Variants in NSMCE1 observed in about 807,000 individuals in gnomAD.
The protein encoded by NSMCE1 is non-structural maintenance of chromosomes element 1 homolog.
In NSMCE1, 18 loss-of-function variants were observed where a neutral mutation model predicts 29.6. That is an observed-to-expected ratio of 0.61 (90% CI 0.42 to 0.90). The LOEUF (loss-of-function observed/expected upper bound fraction) is 0.90. Ranked by LOEUF, NSMCE1 falls within the 40% of genes least tolerant of loss-of-function variation. The pLI is 0.00. For missense variants in NSMCE1, 314 were observed against 343.6 expected (o/e 0.91, Z 0.68); for synonymous variants, 124 against 133.4 (o/e 0.93, Z 0.49).
intron 2 of NSMCE1, among the ~76,000 whole-genome samples, chr16:27,243,116 G>A (rs367860950): frequency 2.0e-5 from 3 of 152,354 alleles, no homozygotes; most frequent in East Asian, 3.9e-4. Flanking sequence ...TGCTCCAGCC[G>A]AGTGCCCGAG....
chr16:27,225,723 C>T lies in NSMCE1; in HGVS notation c.721+3G>A. ...TCCCATGAGCTCCTCAGGGCCCACG[C>T]ACTTGGGATCTCGTGGGGCCAGTAG... On this transcript the variant is annotated splice_donor_region_variant and intron_variant, in intron 7 of 7. Transcript: ENST00000361439. 6.2e-7 allele frequency: 1 copy of T among 1,614,090 alleles called. No individual in the cohort carries two copies. The highest frequency in any genetic ancestry group is 2.2e-5 in the East Asian group (1 of 44,882).
At chr16:27,226,129 G>C in intron 6 of NSMCE1, 1 of 317,014 alleles carries the variant, frequency 3.2e-6, no homozygotes, top group Non-Finnish European at 5.9e-6. Flanking sequence ...GGTGGCGTGT[G>C]GACAGCCACA....
intron 2 of NSMCE1, among the ~76,000 whole-genome samples, chr16:27,240,034 T>A (rs1357279548): frequency 6.6e-6 from 1 of 152,184 alleles, no homozygotes; most frequent in Non-Finnish European, 1.5e-5. Flanking sequence ...ACTAGTATCA[T>A]CTGTATATAC....
chr16:27,257,652 T>C, intron 1 of NSMCE1, 71 bp from the exon 2 acceptor site: 2 of 1,232,750 alleles, frequency 1.6e-6, no homozygotes. Flanking sequence ...CTTGTACTAA[T>C]TTACATTAAC....
chr16:27,261,173 A>AG (rs938963616), intron 1 of NSMCE1, among the ~76,000 whole-genome samples: 3 of 150,578 alleles, frequency 2.0e-5, no homozygotes, highest in African/African-American at 7.3e-5. Flanking sequence ...TCTCAAAAAA[A>AG]AAAAAAAAAA....
intron 5 of NSMCE1, among the ~76,000 whole-genome samples, 166 bp from the exon 6 acceptor site, chr16:27,227,002 G>A (rs1346747548): frequency 6.6e-6 from 1 of 152,232 alleles, no homozygotes; most frequent in Non-Finnish European, 1.5e-5. Context: ...CCCTGGCAGA[G>A]CCTCGGCAAG....
chr16:27,238,195 G>A (rs890463843), intron 2 of NSMCE1, among the ~76,000 whole-genome samples: 7 of 152,160 alleles, frequency 4.6e-5, no homozygotes, highest in Non-Finnish European at 8.8e-5. Context: ...CTGCCCTCCC[G>A]CTCTGTGGGG....
At chr16:27,252,734 C>T (rs554872703) in intron 2 of NSMCE1, among the ~76,000 whole-genome samples, 1 of 152,194 alleles carries the variant, frequency 6.6e-6, no homozygotes, top group East Asian at 1.9e-4. Context: ...GCCTGGCCAA[C>T]ATGGTGAAAC....
intron 4 of NSMCE1, chr16:27,233,969 C>G: frequency 1.8e-6 from 1 of 542,356 alleles, no homozygotes; most frequent in Non-Finnish European, 3.3e-6. Flanking sequence ...ACACCTGGCC[C>G]AGCACTTCCT....
At chr16:27,240,339 TCA>T (rs2083879579) in intron 2 of NSMCE1, among the ~76,000 whole-genome samples, 1 of 152,122 alleles carries the variant, frequency 6.6e-6, no homozygotes, top group Non-Finnish European at 1.5e-5. Context: ...GGAGCTGCAC[TCA>T]CAGAGGAGAT....
At chr16:27,235,408 A>C in intron 2 of NSMCE1, 109 bp from the exon 3 acceptor site, 1 of 1,250,234 alleles carries the variant, frequency 8.0e-7, no homozygotes, top group South Asian at 1.3e-5. Context: ...CAGCAACCCC[A>C]GACATGGGTG....
At chr16:27,248,667 C>T (rs796327489) in intron 2 of NSMCE1, among the ~76,000 whole-genome samples, 1 of 152,242 alleles carries the variant, frequency 6.6e-6, no homozygotes, top group African/African-American at 2.4e-5. Flanking sequence ...CCTCGGCCTC[C>T]CAAACTGCTG....
chr16:27,229,114 T>C (rs553450053), intron 5 of NSMCE1, among the ~76,000 whole-genome samples: 12 of 152,342 alleles, frequency 7.9e-5, no homozygotes, highest in Non-Finnish European at 1.3e-4. Flanking sequence ...GCCCTCCGTC[T>C]GCTCGCCTCG....
At chr16:27,253,123 G>A (rs534294981) in intron 2 of NSMCE1, among the ~76,000 whole-genome samples, 37 of 152,086 alleles carry the variant, frequency 2.4e-4, no homozygotes, top group Non-Finnish European at 4.6e-4. Context: ...AAAAAACCAC[G>A]TAAGTCAAAA....
chr16:27,262,476 A>G (rs1047884443), intron 1 of NSMCE1, among the ~76,000 whole-genome samples: 2 of 152,186 alleles, frequency 1.3e-5, no homozygotes, highest in African/African-American at 4.8e-5. Context: ...CAAAGATGAC[A>G]AAAAGAAGCA....
chr16:27,225,372 C>T (rs965243527), intron 7 of NSMCE1, 136 bp from the exon 8 acceptor site: 2 of 648,292 alleles, frequency 3.1e-6, no homozygotes, highest in African/African-American at 3.6e-5. Flanking sequence ...GCTAACCCTC[C>T]CCAGCCCGTG....
At position 27,233,183 on chromosome 16, in the gene NSMCE1, A is replaced by T. The variant is rs760859360; in HGVS notation, c.337-36T>A. ...GAGCAGGTATCATGCTCATCTATTA[A>T]AATGGCAAAAATAACTTTTAAATGG... is the stretch of plus-strand genomic sequence containing the variant. On this transcript the variant is annotated intron_variant, in intron 4 of 7. Coordinates refer to ENST00000361439, the MANE Select transcript of NSMCE1 (RefSeq NM_145080.4). The T allele has an allele frequency of 4.4e-6, 7 of 1,588,308 alleles. No homozygotes were observed. In the South Asian group the frequency reaches 8.0e-5, roughly 18 times the overall value.
chr16:27,257,533 TCA>T lies in NSMCE1; in HGVS notation c.36_37del (p.Asp13CysfsTer32), dbSNP rs751763475. ...CAACTGGAGGAAGCGCCGGTGGACATCAGTCATGACGCCCATTCTCCTTGTGC... is the reference window on the plus strand; with the variant it reads ...CAACTGGAGGAAGCGCCGGTGGACATGTCATGACGCCCATTCTCCTTGTGC... On this transcript the variant is annotated frameshift_variant, in exon 2 of 8. Coordinates refer to ENST00000361439, the MANE Select transcript of NSMCE1 (RefSeq NM_145080.4). LOFTEE classifies it high-confidence loss of function. 2 of 1,613,784 alleles carry T rather than the reference TCA, an allele frequency of 1.2e-6. No individual in the cohort carries two copies. Among genetic ancestry groups the T allele is most frequent in the African/African-American group, 2.7e-5 (2 of 74,902 alleles).
At chr16:27,256,865 T>C (rs1034461232) in intron 2 of NSMCE1, among the ~76,000 whole-genome samples, 1 of 152,166 alleles carries the variant, frequency 6.6e-6, no homozygotes, top group African/African-American at 2.4e-5. Context: ...CATTTTTTTG[T>C]TTTATAATTT....
Sources: allele counts gnomAD v4.1 joint callset (sites outside exome capture counted in the v4.1 genomes callset), GRCh38; gene constraint gnomAD v4.1.1; transcripts MANE v1.5; gene names NCBI Gene and HGNC (gene_info 2026-07-23, HGNC 2026-07-21).